TENM2: variants seen among roughly 807,000 people sequenced by gnomAD.
The protein encoded by TENM2 is teneurin-2.
In TENM2, 52 loss-of-function variants were observed where a neutral mutation model predicts 245.2. The ratio of observed to expected loss-of-function variants is 0.21; its 90% CI spans 0.17 to 0.27. The LOEUF (loss-of-function observed/expected upper bound fraction) is 0.27. Ranked by LOEUF, TENM2 falls within the 10% of genes least tolerant of loss-of-function variation. The pLI is 1.00. For missense variants in TENM2, 3,046 were observed against 3,666.8 expected (o/e 0.83, Z 4.37); for synonymous variants, 1,363 against 1,438.9 (o/e 0.95, Z 1.19).
the TENM2 span, among the ~76,000 whole-genome samples, chr5:167,022,795 T>C: frequency 6.6e-6 from 1 of 152,280 alleles, no homozygotes; most frequent in Non-Finnish European, 1.5e-5. Flanking sequence ...TTCTTGCCTT[T>C]TACACTAATT....
rs565284906 is a variant in TENM2, at chr5:167,553,252, A to C, written c.502+177779A>C. On this transcript the variant is annotated intron_variant, in intron 2 of 28. Transcript: ENST00000518659. ...ACATGAGCACTGGCTCAATGGTGAC[A>C]GGGAGCCTACAGTTCCCAAGAGTTG... Among the ~76,000 whole-genome samples, 5 of 152,346 alleles carry C rather than the reference A, an allele frequency of 3.3e-5. No homozygotes were observed. In the South Asian group the frequency reaches 1.0e-3, roughly 32 times the overall value.
chr5:167,050,036 T>C, the TENM2 span, among the ~76,000 whole-genome samples: 1 of 152,288 alleles, frequency 6.6e-6, no homozygotes, highest in Admixed American at 6.5e-5. Flanking sequence ...TGTTCCAGGC[T>C]GAAGAGTCAG....
chr5:167,198,545 T>C, the TENM2 span, among the ~76,000 whole-genome samples: 2 of 152,136 alleles, frequency 1.3e-5, no homozygotes, highest in East Asian at 3.9e-4. Flanking sequence ...TTCTATTTCC[T>C]TATTTCCTTT....
intron 2 of TENM2, among the ~76,000 whole-genome samples, chr5:167,393,863 T>C (rs903964099): frequency 1.3e-5 from 2 of 152,248 alleles, no homozygotes; most frequent in East Asian, 1.9e-4. Flanking sequence ...TGATTCTCAA[T>C]GTATTTTGAA....
chr5:167,434,761 G>A (rs974181528), intron 2 of TENM2, among the ~76,000 whole-genome samples: 3 of 151,984 alleles, frequency 2.0e-5, no homozygotes, highest in African/African-American at 7.2e-5. Context: ...AGTAGCTAAG[G>A]CTTAAAATAT....
intron 1 of TENM2, among the ~76,000 whole-genome samples, chr5:167,293,652 C>G (rs1352588700): frequency 6.6e-6 from 1 of 152,006 alleles, no homozygotes; most frequent in Non-Finnish European, 1.5e-5. Context: ...CTTAAAGAGC[C>G]AGGAAAGGTC....
At chr5:167,659,241 A>G (rs1755047669) in intron 2 of TENM2, among the ~76,000 whole-genome samples, 1 of 152,232 alleles carries the variant, frequency 6.6e-6, no homozygotes, top group African/African-American at 2.4e-5. Context: ...TGGAACAAAG[A>G]TAAGATAAAG....
At chr5:167,840,164 A>G (rs1450616809) in intron 2 of TENM2, among the ~76,000 whole-genome samples, 2 of 152,230 alleles carry the variant, frequency 1.3e-5, no homozygotes, top group Non-Finnish European at 2.9e-5. Context: ...TGCTTTGCCC[A>G]TAAGGAAGGG....
At chr5:168,183,950 C>T (rs1760161265) in intron 13 of TENM2, among the ~76,000 whole-genome samples, 1 of 152,184 alleles carries the variant, frequency 6.6e-6, no homozygotes, top group African/African-American at 2.4e-5. Context: ...ATCCTCCCAG[C>T]ACTCCTTTGG....
intron 2 of TENM2, among the ~76,000 whole-genome samples, chr5:167,683,859 T>C (rs764898693): frequency 1.6e-4 from 24 of 152,218 alleles, no homozygotes; most frequent in African/African-American, 4.8e-5. Flanking sequence ...ATGATGACTG[T>C]AATGTAATTG....
the TENM2 span, among the ~76,000 whole-genome samples, chr5:166,980,411 A>T: frequency 6.6e-6 from 1 of 152,190 alleles, no homozygotes; most frequent in African/African-American, 2.4e-5. Flanking sequence ...ATGCAAATTG[A>T]ACTCTAACTC....
At chr5:167,161,966 A>G in the TENM2 span, among the ~76,000 whole-genome samples, 3 of 152,052 alleles carry the variant, frequency 2.0e-5, no homozygotes, top group South Asian at 2.1e-4. Flanking sequence ...CAGGAGATCA[A>G]CAACATCCTG....
At chr5:167,735,945 TA>T (rs1282192032) in intron 2 of TENM2, among the ~76,000 whole-genome samples, 7 of 152,100 alleles carry the variant, frequency 4.6e-5, no homozygotes, top group Admixed American at 4.6e-4. Flanking sequence ...ATATACAATC[TA>T]GGGGGGAAAA....
intron 2 of TENM2, among the ~76,000 whole-genome samples, chr5:167,577,380 T>C (rs896199104): frequency 3.3e-5 from 5 of 152,172 alleles, no homozygotes; most frequent in Admixed American, 1.3e-4. Flanking sequence ...TTCTTTGGCA[T>C]TGAATCACCT....
At chr5:167,663,719 C>A (rs1200914394) in intron 2 of TENM2, among the ~76,000 whole-genome samples, 3 of 152,014 alleles carry the variant, frequency 2.0e-5, no homozygotes, top group Non-Finnish European at 4.4e-5. Context: ...ATATTTTAAT[C>A]TCTGTGTCTC....
intron 2 of TENM2, among the ~76,000 whole-genome samples, chr5:167,761,592 G>T (rs1219312366): frequency 1.3e-5 from 2 of 152,138 alleles, no homozygotes; most frequent in African/African-American, 4.8e-5. Context: ...CTTTCTAACT[G>T]GTCATTGTTT....
chr5:168,032,445 C>A (rs552752862), intron 5 of TENM2, among the ~76,000 whole-genome samples: 1 of 152,090 alleles, frequency 6.6e-6, no homozygotes, highest in African/African-American at 2.4e-5. Context: ...GCTATGAAGA[C>A]CCTCTAGGGC....
the TENM2 span, among the ~76,000 whole-genome samples, chr5:167,022,485 T>C: frequency 1.3e-5 from 2 of 152,228 alleles, no homozygotes; most frequent in African/African-American, 4.8e-5. Flanking sequence ...TATGCTAAAA[T>C]AGTTTTCATT....
the TENM2 span, among the ~76,000 whole-genome samples, chr5:167,054,187 T>C: frequency 7.0e-6 from 1 of 142,128 alleles, no homozygotes; most frequent in African/African-American, 2.9e-5. Context: ...TCCTCTGTGC[T>C]CTATTTATTT....
Sources: gnomAD v4.1 joint callset for allele counts (sites outside exome capture counted in the v4.1 genomes callset) on GRCh38, gnomAD v4.1.1 for gene constraint, MANE v1.5 for transcripts, NCBI Gene and HGNC (gene_info 2026-07-23, HGNC 2026-07-21) for gene names.